Variants in FGF13 observed in about 807,000 individuals in gnomAD.
FGF13 encodes the protein fibroblast growth factor homologous factor 2.
FGF13 carries 2 observed loss-of-function variants against 19.5 expected under a neutral mutation model. The ratio of observed to expected loss-of-function variants is 0.10; its 90% CI spans 0.04 to 0.32. FGF13 has a LOEUF of 0.32. Ranked by LOEUF, FGF13 falls within the 10% of genes least tolerant of loss-of-function variation. The pLI is 1.00. For synonymous variants in FGF13, 72 were observed against 76.9 expected (o/e 0.94, Z 0.33); for missense variants, 113 against 192.7 (o/e 0.59, Z 2.45).
intron 1 of FGF13, among the ~76,000 whole-genome samples, chrX:139,051,130 C>A (rs1296419421): frequency 8.9e-6 from 1 of 112,081 alleles, no homozygotes; most frequent in African/African-American, 3.2e-5. Context: ...CAAATTTGAT[C>A]TTTCTCTGAT....
intron 3 of FGF13, among the ~76,000 whole-genome samples, chrX:138,658,144 C>T (rs1159766019): frequency 1.8e-5 from 2 of 112,002 alleles, no homozygotes; most frequent in African/African-American, 3.2e-5. Flanking sequence ...TATTTGTGTT[C>T]AGGAGGGAAG....
chrX:139,088,880 C>G (rs1450648237), intron 1 of FGF13, among the ~76,000 whole-genome samples: 1 of 111,722 alleles, frequency 9.0e-6, no homozygotes, highest in Non-Finnish European at 1.9e-5. Flanking sequence ...GGATTAGTGT[C>G]CTTATAAAAG....
At chrX:138,730,185 G>A (rs1350035568) in intron 1 of FGF13, among the ~76,000 whole-genome samples, 3 of 110,504 alleles carry the variant, frequency 2.7e-5, no homozygotes, top group East Asian at 2.9e-4. Flanking sequence ...CAGGCCTGTC[G>A]TGGGGTGGAG....
At chrX:138,920,028 A>C (rs960528170) in intron 1 of FGF13, among the ~76,000 whole-genome samples, 3 of 111,493 alleles carry the variant, frequency 2.7e-5, no homozygotes, top group Non-Finnish European at 3.8e-5. Flanking sequence ...CAAAATAAAA[A>C]TTTTTTAAAA....
At chrX:138,648,685 G>A (rs180874197) in intron 3 of FGF13, among the ~76,000 whole-genome samples, 11 of 111,360 alleles carry the variant, frequency 9.9e-5, no homozygotes, top group Non-Finnish European at 1.5e-4. Flanking sequence ...GTTGTGTCAT[G>A]TCATGCTTCC....
Position 138,708,826 on chromosome X carries a change from C to T in FGF13, c.290G>A (p.Ser97Asn). 8.4e-7 allele frequency: 1 copy of T among 1,192,089 alleles called. No homozygotes were observed. The change falls in exon 2 of 5, where the codon AGC (serine) becomes AAC (asparagine). Residue 97 changes from serine (S) to asparagine (N), a missense_variant. Transcript: ENST00000315930. ...ATTTTGCAGTCACTTACTGTAAGTG[C>T]TGTCCTCATCTTTGGTGCCATCAAT... The part of the protein sequence containing the change: ...GTIDGTKDED[S>N]TYTLFNLIPV...
intron 1 of FGF13, among the ~76,000 whole-genome samples, chrX:139,088,494 T>G (rs2124447422): frequency 9.3e-6 from 1 of 107,645 alleles, no homozygotes; most frequent in East Asian, 2.9e-4. Flanking sequence ...CCCAGGCAGA[T>G]TCAACAAAGT....
intron 1 of FGF13, among the ~76,000 whole-genome samples, chrX:139,192,787 A>G (rs2084341895): frequency 8.9e-6 from 1 of 111,779 alleles, no homozygotes; most frequent in Non-Finnish European, 1.9e-5. Flanking sequence ...TTGACTCATT[A>G]GTAATTTGGC....
chrX:139,070,317 A>G (rs1043724374), intron 1 of FGF13, among the ~76,000 whole-genome samples: 12 of 112,556 alleles, frequency 1.1e-4, no homozygotes, highest in Non-Finnish European at 2.3e-4. Flanking sequence ...AAAGTGGATG[A>G]AGGATATGAA....
intron 3 of FGF13, among the ~76,000 whole-genome samples, chrX:138,683,384 C>T (rs896254353): frequency 9.1e-6 from 1 of 109,308 alleles, no homozygotes; most frequent in African/African-American, 3.4e-5. Context: ...CAAACTAACA[C>T]ACACACACAA....
chrX:139,023,280 A>T (rs553391367), intron 1 of FGF13, among the ~76,000 whole-genome samples: 1 of 111,478 alleles, frequency 9.0e-6, no homozygotes, highest in East Asian at 2.8e-4. Flanking sequence ...AAACTGTATT[A>T]ATGGATCCTG....
intron 1 of FGF13, among the ~76,000 whole-genome samples, chrX:139,011,465 C>T (rs1168790218): frequency 9.1e-6 from 1 of 110,132 alleles, no homozygotes; most frequent in Non-Finnish European, 1.9e-5. Flanking sequence ...CCTAATACAA[C>T]AGCATATCAA....
At chrX:139,122,380 T>C (rs1472136195) in intron 1 of FGF13, among the ~76,000 whole-genome samples, 1 of 111,425 alleles carries the variant, frequency 9.0e-6, no homozygotes, top group African/African-American at 3.3e-5. Flanking sequence ...ACAGAAATCA[T>C]AAGGAGGTGG....
rs2091842683 is a variant in FGF13, at chrX:138,956,678, C to T, written c.-112-92028G>A. On this transcript the variant is annotated intron_variant, in intron 1 of 2. Coordinates refer to the FGF13 transcript ENST00000421460. ...TTCCTCAGAACCTCCTCAGGAACCA[C>T]TCTGAGCGACGTAGGGGTGTGCATG... 3.6e-5 allele frequency among the ~76,000 whole-genome samples: 4 copies of T among 111,483 alleles called. No individual in the cohort carries two copies. In the South Asian group the frequency reaches 1.5e-3, roughly 43 times the overall value.
At chrX:138,716,218 G>T (rs2090099907), upstream of FGF13, 1 of 112,112 alleles carries the variant, frequency 8.9e-6, no homozygotes, top group Admixed American at 9.4e-5. Flanking sequence ...TGAGCTCAAA[G>T]AAAGGAAATG....
At chrX:138,783,880 A>C (rs1300270317) in intron 3 of FGF13, among the ~76,000 whole-genome samples, 1 of 110,158 alleles carries the variant, frequency 9.1e-6, no homozygotes, top group Non-Finnish European at 1.9e-5. Context: ...GTCTATTGCG[A>C]CATTATTCAC....
intron 1 of FGF13, among the ~76,000 whole-genome samples, chrX:138,999,303 A>C (rs1177045306): frequency 1.8e-5 from 2 of 112,060 alleles, no homozygotes; most frequent in Non-Finnish European, 3.8e-5. Context: ...AACACATTCA[A>C]AAGCTAGCAG....
chrX:138,857,487 A>G, downstream of FGF13: 1 of 1,156,799 alleles, frequency 8.6e-7, no homozygotes, highest in Non-Finnish European at 1.2e-6. Context: ...AAAACAAGCA[A>G]AACACGCGTC....
chrX:138,670,069 G>A (rs1447973734), intron 3 of FGF13, among the ~76,000 whole-genome samples: 2 of 111,684 alleles, frequency 1.8e-5, no homozygotes, highest in Non-Finnish European at 3.8e-5. Context: ...ACAAAAAAAC[G>A]TCAAGAATAT....
Sources: gnomAD v4.1 joint callset for allele counts (sites outside exome capture counted in the v4.1 genomes callset) on GRCh38, gnomAD v4.1.1 for gene constraint, MANE v1.5 for transcripts, NCBI Gene and HGNC (gene_info 2026-07-23, HGNC 2026-07-21) for gene names.